Variants in OSMR observed in about 807,000 individuals in gnomAD.
OSMR encodes oncostatin-M-specific receptor subunit beta.
Under a neutral mutation model 99.9 loss-of-function variants are expected in OSMR, and 81 were observed. The ratio of observed to expected loss-of-function variants is 0.81; its 90% CI spans 0.68 to 0.97. The LOEUF (loss-of-function observed/expected upper bound fraction) is 0.97. Ranked by LOEUF, OSMR falls within the 50% of genes least tolerant of loss-of-function variation. The probability of loss-of-function intolerance (pLI) is 0.00; values close to 1 mark genes in which losing one functional copy is unlikely to be tolerated. For missense variants in OSMR, 1,099 were observed against 1,153.4 expected, an observed-to-expected ratio of 0.95 and a Z score of 0.68; for synonymous variants, 406 against 410.4, an observed-to-expected ratio of 0.99 and a Z score of 0.13.
intron 15 of OSMR, among the ~76,000 whole-genome samples, chr5:38,927,975 C>G (rs559859855): frequency 6.6e-6 from 1 of 152,332 alleles, no homozygotes; most frequent in African/African-American, 2.4e-5. Context: ...CAAAATGCCA[C>G]CAGTCTCTTT....
At chr5:38,921,530 G>A in intron 11 of OSMR, 85 bp from the exon 12 acceptor site, 1 of 1,599,870 alleles carries the variant, frequency 6.3e-7, no homozygotes, top group Non-Finnish European at 8.5e-7. Context: ...TACAGTGCAT[G>A]TATGTATTTA....
chr5:38,937,100 T>A (rs374551792), downstream of OSMR, among the ~76,000 whole-genome samples: 1 of 152,220 alleles, frequency 6.6e-6, no homozygotes, highest in Admixed American at 6.5e-5. This position sits in a 1 kb window ranked among gnomAD's most constrained non-coding sequence, Gnocchi z 4.0. Flanking sequence ...AGTGGCACGA[T>A]CTTGGCTCAC....
chr5:38,908,132 A>C (rs1489648738), intron 9 of OSMR, among the ~76,000 whole-genome samples: 6 of 152,104 alleles, frequency 3.9e-5, no homozygotes, highest in African/African-American at 1.4e-4. Context: ...GCTGCAAACC[A>C]GCACACAGAC....
In OSMR at chr5:38,893,982, G is replaced by A. The variant is rs143585243; in HGVS notation, c.991+7792G>A. On this transcript the variant is annotated intron_variant, in intron 7 of 17. Coordinates refer to ENST00000274276, the MANE Select transcript of OSMR (RefSeq NM_003999.3). Reference sequence around the variant, plus strand: ...CATCAGGCTAACAGTGGACTTCTCAGCAGAAACCTTACAAGCCAGAAGAGA... The same window carrying A: ...CATCAGGCTAACAGTGGACTTCTCAACAGAAACCTTACAAGCCAGAAGAGA... Among the ~76,000 whole-genome samples, 26 of 152,282 alleles carry A rather than the reference G, an allele frequency of 1.7e-4. No individual in the cohort carries two copies. The East Asian group carries it at 5.0e-3, about 29-fold the overall frequency.
At chr5:38,897,682 TG>T (rs932626831) in intron 7 of OSMR, among the ~76,000 whole-genome samples, 2 of 152,170 alleles carry the variant, frequency 1.3e-5, no homozygotes, top group Non-Finnish European at 2.9e-5. Context: ...GGGTTTGGTT[TG>T]CTCTTGCTTT....
intron 14 of OSMR, 41 bp from the exon 15 acceptor site, chr5:38,925,163 C>CT (rs751619822): frequency 7.5e-6 from 12 of 1,609,118 alleles, no homozygotes; most frequent in Admixed American, 3.3e-5. Context: ...TTAATAAAAT[C>CT]TTTTTTTTCC....
chr5:38,944,509 A>C, intron 2 of OSMR: 1 of 1,612,472 alleles, frequency 6.2e-7, no homozygotes, highest in Non-Finnish European at 8.5e-7. Context: ...GACTAATCTT[A>C]GAACTTCTTT....
intron 7 of OSMR, among the ~76,000 whole-genome samples, chr5:38,892,217 G>T (rs1435993773): frequency 6.6e-6 from 1 of 152,098 alleles, no homozygotes; most frequent in African/African-American, 2.4e-5. Flanking sequence ...AGGGCCCATA[G>T]CCTAACCTCC....
At chr5:38,931,386 A>G (rs1357722257) in intron 15 of OSMR, among the ~76,000 whole-genome samples, 1 of 152,192 alleles carries the variant, frequency 6.6e-6, no homozygotes, top group Non-Finnish European at 1.5e-5. Flanking sequence ...TCTTCATTCT[A>G]GGGCTAAGGC....
chr5:38,905,641 T>G (rs1479180315), intron 9 of OSMR, among the ~76,000 whole-genome samples: 1 of 152,078 alleles, frequency 6.6e-6, no homozygotes, highest in East Asian at 1.9e-4. Context: ...ACAGAAAGAT[T>G]AAGTAATTTA....
At chr5:38,915,083 T>A (rs1480166000) in intron 9 of OSMR, among the ~76,000 whole-genome samples, 2 of 152,220 alleles carry the variant, frequency 1.3e-5, no homozygotes, top group Non-Finnish European at 2.9e-5. Context: ...AATTTGATTA[T>A]TAACTACAGA....
At chr5:38,932,275 T>C (rs1432743719) in intron 16 of OSMR, among the ~76,000 whole-genome samples, 188 bp from the exon 17 acceptor site, 1 of 152,192 alleles carries the variant, frequency 6.6e-6, no homozygotes, top group Non-Finnish European at 1.5e-5. Flanking sequence ...TTAATCCTCA[T>C]GGGGACACTA....
intron 9 of OSMR, among the ~76,000 whole-genome samples, chr5:38,914,496 A>T (rs13170340): frequency 2.0e-5 from 3 of 152,010 alleles, no homozygotes; most frequent in Admixed American, 2.0e-4. Flanking sequence ...CCACCCAGCA[A>T]TCCCATTACT....
chr5:38,878,330 G>A (rs1044850922), intron 3 of OSMR, among the ~76,000 whole-genome samples: 3 of 152,052 alleles, frequency 2.0e-5, no homozygotes, highest in Admixed American at 2.0e-4. Context: ...GCCTGACAGG[G>A]CACTCTCATT....
In OSMR at chr5:38,876,279, A is replaced by G; in HGVS notation, c.152A>G (p.Gln51Arg). 1 of 1,613,670 alleles carries G rather than the reference A, an allele frequency of 6.2e-7. No individual in the cohort carries two copies. Among genetic ancestry groups the G allele is most frequent in the Non-Finnish European group, 8.5e-7 (1 of 1,179,646 alleles). Reference sequence around the variant, plus strand: ...TCTACGCGTCAGAGTTTGCACTTACAATGGACTGTCCACAACCTTCCTTAT... The same window carrying G: ...TCTACGCGTCAGAGTTTGCACTTACGATGGACTGTCCACAACCTTCCTTAT... Reference protein sequence around the residue: ...TNSTRQSLHLQWTVHNLPYHQ... With the variant: ...TNSTRQSLHLRWTVHNLPYHQ... The change falls in exon 3 of 18, where the codon CAA becomes CGA. Residue 51 changes from glutamine to arginine, a missense_variant. Physicochemically the swap from Gln to Arg is conservative, Grantham distance 43 (BLOSUM62 1). Coordinates refer to ENST00000274276, the MANE Select transcript of OSMR (RefSeq NM_003999.3).
intron 1 of OSMR, among the ~76,000 whole-genome samples, chr5:38,854,747 A>G (rs115063761): frequency 0.015 from 2,260 of 152,324 alleles, 25 homozygotes; most frequent in Middle Eastern, 0.024. Context: ...GGGGAATAAG[A>G]TCCAGGCCTG....
chr5:38,918,796 T>C, intron 10 of OSMR, 44 bp from the exon 11 acceptor site: 1 of 1,608,980 alleles, frequency 6.2e-7, no homozygotes, highest in Non-Finnish European at 8.5e-7. Context: ...CAAATTCCTT[T>C]CAATTAAAAC....
At chr5:38,881,791 G>C in intron 4 of OSMR, 27 bp downstream of exon 4, 1 of 1,577,178 alleles carries the variant, frequency 6.3e-7, no homozygotes, top group Non-Finnish European at 8.7e-7. Flanking sequence ...TTACAAGAGT[G>C]AAAAGGGTTA....
chr5:38,923,193 G>T lies in OSMR; in HGVS notation c.1809G>T (p.Gly603=), dbSNP rs1005239710. ...PGVRYDFRIY[G]LSTKRIACLL... is the part of the protein sequence containing the mutation. ...TTCGATATGACTTCAGAATTTATGG[G>T]TTATCTACAAAAAGGATTGCTTGTT... The change falls in exon 13 of 18, where the codon GGG becomes GGT. Residue 603 remains glycine, a synonymous_variant. Transcript: ENST00000274276. The T allele has an allele frequency of 1.2e-6, 2 of 1,613,232 alleles. No individual in the cohort carries two copies. Among genetic ancestry groups the T allele is most frequent in the African/African-American group, 2.7e-5 (2 of 74,992 alleles).
Sources: allele counts gnomAD v4.1 joint callset (sites outside exome capture counted in the v4.1 genomes callset), GRCh38; gene constraint gnomAD v4.1.1; non-coding constraint Gnocchi (gnomAD v3.1); transcripts MANE v1.5; gene names NCBI Gene and HGNC (gene_info 2026-07-23, HGNC 2026-07-21).